The following SPTBN5 variants were observed in gnomAD, a reference collection of about 807,000 sequenced individuals.
SPTBN5 encodes spectrin beta chain, non-erythrocytic 5.
A neutral mutation model predicts 477.6 loss-of-function variants in SPTBN5; 513 were observed. The ratio of observed to expected loss-of-function variants is 1.07; its 90% confidence interval spans 1.00 to 1.16. SPTBN5 has a LOEUF of 1.16. Ranked by LOEUF, SPTBN5 falls within the 50% of genes most tolerant of loss-of-function variation. The pLI, the probability that SPTBN5 is intolerant of heterozygous loss-of-function variation, is 0.00. For missense variants in SPTBN5, 5,062 were observed against 4,731.8 expected (o/e 1.07, Z -2.05); for synonymous variants, 2,169 against 2,011.7 (o/e 1.08, Z -2.09).
Position 41,862,564 on chromosome 15 carries a change from G to A in SPTBN5, c.7360C>T (p.Gln2454Ter), listed in dbSNP as rs1481896908. 3 of 1,563,018 alleles carry A rather than the reference G, an allele frequency of 1.9e-6. No individual in the cohort carries two copies. The African/African-American group carries it at 4.1e-5, about 21-fold the overall frequency. Residue 2454 changes from glutamine to a stop codon, truncating the protein, a stop_gained, in exon 43 of 68, where the codon CAG becomes TAG. Transcript: ENST00000320955. LOFTEE classifies it high-confidence loss of function. ...CGCTTCTGGGCCCTGCTCCGGAGCT[G>A]CCACCAGCTCTCAGCCACCTCCTGC... is the stretch of plus-strand genomic sequence containing the variant. ...RQQEVAESWW[Q>*]LRSRAQKRRE...
At chr15:41,872,253 T>C in intron 27 of SPTBN5, 49 bp downstream of exon 27, 1 of 1,570,562 alleles carries the variant, frequency 6.4e-7, no homozygotes. Flanking sequence ...CAGTCAGCTG[T>C]GGCTAGGCCT....
In SPTBN5 at chr15:41,878,481, T is replaced by G; in HGVS notation, c.3331A>C (p.Ser1111Arg). 1 of 1,613,392 alleles carries G rather than the reference T, an allele frequency of 6.2e-7. No homozygotes were observed. The highest frequency in any genetic ancestry group is 8.5e-7 in the Non-Finnish European group (1 of 1,179,802). ...TQARQSFLQE[S>R]QQLLLWAESV... Reference sequence around the variant, plus strand: ...TCTGCCCACAGTAGCAGTTGCTGGCTCTCTTGCAGGAAGCTCTGCCGGGCC... The same window carrying G: ...TCTGCCCACAGTAGCAGTTGCTGGCGCTCTTGCAGGAAGCTCTGCCGGGCC... Residue 1111 changes from serine (S) to arginine (R), a missense_variant, in exon 17 of 68, where the codon AGC (serine) becomes CGC (arginine). Coordinates refer to ENST00000320955, the MANE Select transcript of SPTBN5 (RefSeq NM_016642.4).
chr15:41,863,645 C>T (rs1016091650), intron 41 of SPTBN5, 59 bp downstream of exon 41: 39 of 1,368,168 alleles, frequency 2.9e-5, no homozygotes, highest in Non-Finnish European at 4.0e-5. Context: ...CTAGGCAGTG[C>T]CCCCTCCCCT....
At chr15:41,869,788 G>A (rs2066467742) in intron 32 of SPTBN5, 53 bp downstream of exon 32, 3 of 1,457,248 alleles carry the variant, frequency 2.1e-6, no homozygotes, top group East Asian at 2.6e-5. Context: ...CCCATGCATG[G>A]TGCAGCACAC....
intron 3 of SPTBN5, among the ~76,000 whole-genome samples, chr15:41,891,979 G>A (rs1189650377): frequency 6.6e-6 from 1 of 152,166 alleles, no homozygotes; most frequent in African/African-American, 2.4e-5. Context: ...TCCTGGAGGG[G>A]AGATGACTGG....
At chr15:41,867,482 G>C (rs1426753778) in intron 35 of SPTBN5, 56 bp downstream of exon 35, 1 of 1,536,208 alleles carries the variant, frequency 6.5e-7, no homozygotes, top group African/African-American at 1.4e-5. Context: ...ACCCCCTTCA[G>C]GACTCTCTCC....
rs2067000446 is a variant in SPTBN5, at chr15:41,882,487, A to AG, written c.2047-19dup. 2.6e-6 allele frequency: 4 copies of AG among 1,558,416 alleles called. No homozygotes were observed. In the African/African-American group the frequency reaches 5.4e-5, roughly 21 times the overall value. ...TCCAGGGCCTAGCGGGGGGCAGAGC[A>AG]GGGGGCTCAGTGAAGGCAGAACAGG... is the stretch of plus-strand genomic sequence containing the variant. On this transcript the variant is annotated intron_variant, in intron 10 of 67. Transcript: ENST00000320955.
chr15:41,851,377 G>T lies in SPTBN5; in HGVS notation c.10657-8C>A. On this transcript the variant is annotated splice_polypyrimidine_tract_variant and splice_region_variant and intron_variant, in intron 63 of 67. Coordinates refer to ENST00000320955, the MANE Select transcript of SPTBN5 (RefSeq NM_016642.4). ...CCAGGAGCTCGAGCTAGGCTGTGGA[G>T]AGGAGGCGGGAAGGTCGCATGAGCC... 6.5e-7 allele frequency: 1 copy of T among 1,549,892 alleles called. No homozygotes were observed. The highest frequency in any genetic ancestry group is 1.2e-5 in the South Asian group (1 of 83,966).
rs549818768 is a variant in SPTBN5 at position 41,873,762 on chromosome 15, G to A, written c.4890+83C>T. ...AGCCCAGAGCCCCCACCACTGATCC[G>A]CCTCCCTGAGAGTCCCACAGGTGGC... is the stretch of plus-strand genomic sequence containing the variant. On this transcript the variant is annotated intron_variant, in intron 25 of 67. Coordinates refer to ENST00000320955, the MANE Select transcript of SPTBN5 (RefSeq NM_016642.4). The A allele has an allele frequency of 2.2e-4, 350 of 1,558,786 alleles. No homozygotes were observed. In the East Asian group the frequency reaches 4.8e-3, roughly 22 times the overall value.
At chr15:41,864,649 T>C (rs890721382) in intron 39 of SPTBN5, among the ~76,000 whole-genome samples, 1 of 152,186 alleles carries the variant, frequency 6.6e-6, no homozygotes, top group African/African-American at 2.4e-5. Context: ...GGCTTCTTGG[T>C]TGAAGAGAAG....
At position 41,877,156 on chromosome 15, in the gene SPTBN5, C is replaced by A. The variant is rs1412451039; in HGVS notation, c.3671G>T (p.Cys1224Phe). The A allele has an allele frequency of 6.2e-7, 1 of 1,613,882 alleles. No individual in the cohort carries two copies. Among genetic ancestry groups the A allele is most frequent in the East Asian group, 2.2e-5 (1 of 44,898 alleles). The change falls in exon 18 of 68, where the codon TGT becomes TTT. Residue 1224 changes from cysteine (C) to phenylalanine (F), a missense_variant. Coordinates refer to ENST00000320955, the MANE Select transcript of SPTBN5 (RefSeq NM_016642.4). ...GREVDGFTAT[C>F]ANHQAWLHLD... ...GTGCAGCCAGGCCTGGTGGTTGGCA[C>A]AGGTGGCAGTGAAACCATCCACTTC...
In SPTBN5 at chr15:41,855,427, G is replaced by A; in HGVS notation, c.9220C>T (p.Pro3074Ser). Reference sequence around the variant, plus strand: ...GCCTGCAGCTGGGCTAGCACCTTGGGGCTGTGGGAAGAGAGCGACAGTCTG... The same window carrying A: ...GCCTGCAGCTGGGCTAGCACCTTGGAGCTGTGGGAAGAGAGCGACAGTCTG... ...LLESRKNPES[P>S]KVLAQLQAVR... The change falls in exon 55 of 68, where the codon CCC (proline) becomes TCC (serine). Residue 3074 changes from proline to serine, a missense_variant and splice_region_variant. Coordinates refer to ENST00000320955, the MANE Select transcript of SPTBN5 (RefSeq NM_016642.4). 7 of 1,601,808 alleles carry A rather than the reference G, an allele frequency of 4.4e-6. No homozygotes were observed. The highest frequency in any genetic ancestry group is 2.2e-5 in the South Asian group (2 of 90,802).
intron 4 of SPTBN5, among the ~76,000 whole-genome samples, chr15:41,889,605 G>C (rs2140970709): frequency 6.6e-6 from 1 of 152,226 alleles, no homozygotes; most frequent in South Asian, 2.1e-4. Context: ...CCAGTGTGGG[G>C]GAAAGAGGTG....
At position 41,870,015 on chromosome 15, in the gene SPTBN5, C is replaced by T. The variant is rs2066477767; in HGVS notation, c.5679G>A (p.Gln1893=). Residue 1893 remains glutamine, a synonymous_variant, in exon 32 of 68, where the codon CAG becomes CAA. Transcript: ENST00000320955. ...CCCTGCCTGCAGTCTCCAGCAGTTC[C>T]TGCAGCTGCGGGAGGGGCAGGGAAT... The part of the protein sequence containing the change: ...RELVGTERQL[Q]ELLETAGRVQ... 9 of 1,490,736 alleles carry T rather than the reference C, an allele frequency of 6.0e-6. No individual in the cohort carries two copies. The highest frequency in any genetic ancestry group is 1.3e-5 in the South Asian group (1 of 74,502). The allele number at this position is 1,490,736 out of a possible 1,614,324, so 92.3% of individuals were successfully genotyped here.
chr15:41,866,527 C>G (rs1368452694), intron 36 of SPTBN5, 34 bp from the exon 37 acceptor site: 1 of 1,497,508 alleles, frequency 6.7e-7, no homozygotes, highest in African/African-American at 1.4e-5. Context: ...CTGCAATGTT[C>G]TGCAGCCTCA....
At position 41,862,555 on chromosome 15, in the gene SPTBN5, TCCG is replaced by T; in HGVS notation, c.7366_7368del (p.Arg2456del). The T allele has an allele frequency of 6.4e-7, 1 of 1,567,038 alleles. No homozygotes were observed. The highest frequency in any genetic ancestry group is 8.6e-7 in the Non-Finnish European group (1 of 1,156,390). Reference sequence around the variant, plus strand: ...GGTTCATACCGCTTCTGGGCCCTGCTCCGGAGCTGCCACCAGCTCTCAGCCACC... The same window carrying T: ...GGTTCATACCGCTTCTGGGCCCTGCTGAGCTGCCACCAGCTCTCAGCCACC... On this transcript the variant is annotated inframe_deletion, in exon 43 of 68. Coordinates refer to ENST00000320955, the MANE Select transcript of SPTBN5 (RefSeq NM_016642.4).
rs1360561143 is a variant in SPTBN5 at position 41,879,876 on chromosome 15, G to A, written c.2812-12C>T. On this transcript the variant is annotated splice_polypyrimidine_tract_variant and intron_variant, in intron 14 of 67. Coordinates refer to ENST00000320955, the MANE Select transcript of SPTBN5 (RefSeq NM_016642.4). ...GCAGTGAGGAAGTTCTAGGGAAAAGGAGGACCCAGCCCTCTTGGGGGACTT... is the reference window on the plus strand; with the variant it reads ...GCAGTGAGGAAGTTCTAGGGAAAAGAAGGACCCAGCCCTCTTGGGGGACTT... 2.5e-6 allele frequency: 4 copies of A among 1,613,646 alleles called. No homozygotes were observed. The highest frequency in any genetic ancestry group is 2.5e-6 in the Non-Finnish European group (3 of 1,179,842).
At position 41,854,789 on chromosome 15, in the gene SPTBN5, C is replaced by A; in HGVS notation, c.9611G>T (p.Arg3204Leu). 3 of 1,538,760 alleles carry A rather than the reference C, an allele frequency of 1.9e-6. No homozygotes were observed. The highest frequency in any genetic ancestry group is 1.3e-5 in the South Asian group (1 of 79,928). Reference protein sequence around the residue: ...WERLDQAIKARTENLAAAHEV... With the variant: ...WERLDQAIKALTENLAAAHEV... ...CGGCCTGTGATCACCTACCTCTGTGCGGGCTTTTATTGCTTGGTCCAACCT... is the reference window on the plus strand; with the variant it reads ...CGGCCTGTGATCACCTACCTCTGTGAGGGCTTTTATTGCTTGGTCCAACCT... The change falls in exon 56 of 68, where the codon CGC (arginine) becomes CTC (leucine). Residue 3204 changes from arginine to leucine, a missense_variant. By Grantham distance (102) the Arg-to-Leu change is moderately radical (BLOSUM62 -2). Coordinates refer to ENST00000320955, the MANE Select transcript of SPTBN5 (RefSeq NM_016642.4).
chr15:41,887,782 G>A (rs2067201105), intron 5 of SPTBN5, 146 bp downstream of exon 5: 3 of 839,656 alleles, frequency 3.6e-6, no homozygotes, highest in South Asian at 3.6e-5. Flanking sequence ...GAAGGGAAAG[G>A]GGCTAACCCA....
Sources: allele counts gnomAD v4.1 joint callset (sites outside exome capture counted in the v4.1 genomes callset), GRCh38; gene constraint gnomAD v4.1.1; transcripts MANE v1.5; gene names NCBI Gene and HGNC (gene_info 2026-07-23, HGNC 2026-07-21).